RNF220: variants seen among roughly 807,000 people sequenced by gnomAD.
RNF220 encodes ring finger protein 220.
Under a neutral mutation model 67.1 loss-of-function variants are expected in RNF220, and 7 were observed. The ratio of observed to expected loss-of-function variants is 0.10; its 90% CI spans 0.06 to 0.20. RNF220 has a LOEUF of 0.20. RNF220 is among the 10% of genes least tolerant of loss of function. RNF220 has a pLI of 1.00. For missense variants in RNF220, 565 were observed against 740.3 expected (o/e 0.76, Z 2.75); for synonymous variants, 270 against 283.2 (o/e 0.95, Z 0.47).
At chr1:44,607,474 A>T (rs1163414901) in intron 2 of RNF220, among the ~76,000 whole-genome samples, 1 of 143,568 alleles carries the variant, frequency 7.0e-6, no homozygotes, top group African/African-American at 2.6e-5. Flanking sequence ...TATACCTTCA[A>T]ATGTGCTGTT....
chr1:44,635,709 C>A, intron 7 of RNF220, 121 bp downstream of exon 7: 1 of 1,537,844 alleles, frequency 6.5e-7, no homozygotes, highest in Non-Finnish European at 8.8e-7. Flanking sequence ...CCGCTCCCTT[C>A]CCCCGACACT....
intron 2 of RNF220, among the ~76,000 whole-genome samples, chr1:44,607,387 C>T (rs1034514482): frequency 2.0e-5 from 3 of 152,212 alleles, no homozygotes; most frequent in African/African-American, 7.2e-5. Context: ...CATCATACCT[C>T]AGCACTCTGC....
At chr1:44,549,354 C>T (rs1421318092) in intron 2 of RNF220, among the ~76,000 whole-genome samples, 4 of 152,176 alleles carry the variant, frequency 2.6e-5, no homozygotes, top group Admixed American at 6.5e-5. Context: ...CAAGTTTAAG[C>T]GAAGGAGGCA....
chr1:44,627,570 A>G (rs563448525), intron 5 of RNF220, among the ~76,000 whole-genome samples: 2 of 152,260 alleles, frequency 1.3e-5, no homozygotes, highest in East Asian at 3.9e-4. Flanking sequence ...TAGGAAGGAC[A>G]AAGAACTTCC....
chr1:44,418,021 T>C (rs1444221470), intron 2 of RNF220, among the ~76,000 whole-genome samples: 1 of 151,244 alleles, frequency 6.6e-6, no homozygotes, highest in African/African-American at 2.4e-5. Flanking sequence ...CGCCTCGCCC[T>C]CCACGTCCCT....
intron 2 of RNF220, among the ~76,000 whole-genome samples, chr1:44,426,138 C>T (rs1163694891): frequency 6.6e-6 from 1 of 152,182 alleles, no homozygotes; most frequent in Admixed American, 6.5e-5. Flanking sequence ...CAGCAAAGCT[C>T]GGAGCATCTT....
chr1:44,570,457 G>A (rs973358347), intron 2 of RNF220, among the ~76,000 whole-genome samples: 12 of 152,278 alleles, frequency 7.9e-5, no homozygotes, highest in Non-Finnish European at 1.2e-4. Flanking sequence ...CAGGAGGCAC[G>A]CCATGTGTTA....
chr1:44,480,833 C>T (rs1268917765), intron 2 of RNF220, among the ~76,000 whole-genome samples: 1 of 152,106 alleles, frequency 6.6e-6, no homozygotes, highest in Non-Finnish European at 1.5e-5. Flanking sequence ...TTGCAGTGAG[C>T]TGAGATTGTA....
upstream of RNF220, among the ~76,000 whole-genome samples, chr1:44,404,881 G>C (rs1241417309): frequency 6.6e-6 from 1 of 152,168 alleles, no homozygotes; most frequent in African/African-American, 2.4e-5. Flanking sequence ...CATTTAAGCA[G>C]CAGTGGATGT....
intron 2 of RNF220, among the ~76,000 whole-genome samples, chr1:44,555,195 G>A (rs1404297360): frequency 6.6e-6 from 1 of 152,028 alleles, no homozygotes; most frequent in African/African-American, 2.4e-5. Flanking sequence ...AACCTCCTGT[G>A]TAGTTGGAAC....
Position 44,500,095 on chromosome 1 carries a change from C to T in RNF220, c.625+87373C>T, listed in dbSNP as rs571863906. ...GGTTTTCCTGCTTCTACCCTTGTTC[C>T]GGCCCTTTTAATACATAAATCAAAT... On this transcript the variant is annotated intron_variant, in intron 2 of 14. Coordinates refer to ENST00000361799, the MANE Select transcript of RNF220 (RefSeq NM_018150.4). Among the ~76,000 whole-genome samples, 40 of 152,294 alleles carry T rather than the reference C, an allele frequency of 2.6e-4. No homozygotes were observed. In the South Asian group the frequency reaches 7.5e-3, roughly 28 times the overall value.
intron 2 of RNF220, among the ~76,000 whole-genome samples, chr1:44,524,911 GA>G (rs1309907686): frequency 1.3e-5 from 2 of 152,052 alleles, no homozygotes; most frequent in Non-Finnish European, 2.9e-5. Context: ...TTGAGCTTTT[GA>G]AATGCAGAGA....
At chr1:44,568,695 A>G (rs1664211191) in intron 2 of RNF220, among the ~76,000 whole-genome samples, 1 of 152,178 alleles carries the variant, frequency 6.6e-6, no homozygotes, top group Non-Finnish European at 1.5e-5. Context: ...AAGGCAGGAG[A>G]GTGGCAGCCT....
intron 2 of RNF220, among the ~76,000 whole-genome samples, chr1:44,474,876 T>A (rs1437333155): frequency 6.6e-6 from 1 of 152,176 alleles, no homozygotes; most frequent in Non-Finnish European, 1.5e-5. Flanking sequence ...CCACCTTATA[T>A]AAGGGAATTG....
intron 2 of RNF220, among the ~76,000 whole-genome samples, chr1:44,532,721 G>A (rs1660924189): frequency 6.6e-6 from 1 of 152,248 alleles, no homozygotes; most frequent in South Asian, 2.1e-4. Context: ...GACTGATGCA[G>A]TGATAGGAGC....
chr1:44,489,262 C>T (rs748429817), intron 2 of RNF220, among the ~76,000 whole-genome samples: 11 of 152,140 alleles, frequency 7.2e-5, no homozygotes, highest in Non-Finnish European at 1.3e-4. Context: ...TAAGGGGCCA[C>T]GTGATATAAA....
At chr1:44,617,167 C>A (rs1643589826) in intron 3 of RNF220, among the ~76,000 whole-genome samples, 1 of 152,190 alleles carries the variant, frequency 6.6e-6, no homozygotes, top group Non-Finnish European at 1.5e-5. Flanking sequence ...TGTCTGACAG[C>A]CGGACAGCGG....
At chr1:44,446,598 C>T (rs1185406170) in intron 2 of RNF220, among the ~76,000 whole-genome samples, 4 of 145,970 alleles carry the variant, frequency 2.7e-5, no homozygotes, top group African/African-American at 1.0e-4. Flanking sequence ...CTTGCTCTGT[C>T]ACCCAGGCTG....
At chr1:44,508,934 G>GA (rs1294571681) in intron 2 of RNF220, among the ~76,000 whole-genome samples, 1 of 152,176 alleles carries the variant, frequency 6.6e-6, no homozygotes, top group African/African-American at 2.4e-5. Flanking sequence ...ACTCAAGAGA[G>GA]ATTAATTTTG....
Sources: gnomAD v4.1 joint callset for allele counts (sites outside exome capture counted in the v4.1 genomes callset) on GRCh38, gnomAD v4.1.1 for gene constraint, MANE v1.5 for transcripts, NCBI Gene and HGNC (gene_info 2026-07-23, HGNC 2026-07-21) for gene names.